The following MNAT1 variants were observed in gnomAD, a reference collection of about 807,000 sequenced individuals.
The protein encoded by MNAT1 is CDK-activating kinase assembly factor MAT1.
MNAT1 carries 43 observed loss-of-function variants against 42.0 expected under a neutral mutation model. The ratio of observed to expected loss-of-function variants is 1.02; its 90% confidence interval spans 0.80 to 1.32. The LOEUF (loss-of-function observed/expected upper bound fraction) is 1.32. Ranked by LOEUF, MNAT1 falls within the 40% of genes most tolerant of loss-of-function variation. The pLI, the probability that MNAT1 is intolerant of heterozygous loss-of-function variation, is 0.00. For synonymous variants in MNAT1, 118 were observed against 120.0 expected, an observed-to-expected ratio of 0.98 and a Z score of 0.11; for missense variants, 306 against 350.4, an observed-to-expected ratio of 0.87 and a Z score of 1.01.
intron 7 of MNAT1, among the ~76,000 whole-genome samples, chr14:60,965,577 A>G (rs2036667145): frequency 2.6e-5 from 4 of 152,226 alleles, no homozygotes. Context: ...GTATGACTCA[A>G]CTTTCCCAGA....
intron 1 of MNAT1, among the ~76,000 whole-genome samples, chr14:60,756,194 C>T (rs1264777916): frequency 6.6e-6 from 1 of 152,174 alleles, no homozygotes; most frequent in African/African-American, 2.4e-5. Flanking sequence ...GTGGGAACCT[C>T]TGTTCATAAC....
chr14:60,855,302 C>G (rs374430577), intron 6 of MNAT1, among the ~76,000 whole-genome samples: 87 of 151,804 alleles, frequency 5.7e-4, no homozygotes, highest in African/African-American at 1.9e-3. Flanking sequence ...GGCTTCAGCC[C>G]CCTTTCCAGG....
chr14:60,813,950 A>T (rs2032634898), intron 5 of MNAT1, among the ~76,000 whole-genome samples: 1 of 152,156 alleles, frequency 6.6e-6, no homozygotes, highest in African/African-American at 2.4e-5. Flanking sequence ...CTATATTTTT[A>T]AAAAGATTTT....
intron 1 of MNAT1, among the ~76,000 whole-genome samples, chr14:60,761,764 T>G (rs2030608488): frequency 6.6e-6 from 1 of 152,226 alleles, no homozygotes; most frequent in African/African-American, 2.4e-5. Flanking sequence ...AATGATCTTA[T>G]CTTTTGCCCT....
chr14:60,944,855 T>A (rs2036241538), intron 7 of MNAT1, among the ~76,000 whole-genome samples: 1 of 152,206 alleles, frequency 6.6e-6, no homozygotes, highest in Non-Finnish European at 1.5e-5. Context: ...TCTGAATTAT[T>A]CATAGATGTA....
intron 7 of MNAT1, among the ~76,000 whole-genome samples, chr14:60,886,624 G>T (rs926370450): frequency 6.7e-5 from 10 of 150,370 alleles, no homozygotes; most frequent in Admixed American, 6.0e-4. Context: ...TTGCATGTCT[G>T]TTTTGATTAC....
chr14:60,889,953 A>T (rs2034794302), intron 7 of MNAT1, among the ~76,000 whole-genome samples: 1 of 152,198 alleles, frequency 6.6e-6, no homozygotes, highest in African/African-American at 2.4e-5. Context: ...AGGAAACAAC[A>T]GGTGCTGGAG....
At chr14:60,921,732 G>A (rs2035665257) in intron 7 of MNAT1, among the ~76,000 whole-genome samples, 1 of 152,106 alleles carries the variant, frequency 6.6e-6, no homozygotes, top group Non-Finnish European at 1.5e-5. Context: ...CTGACGTGAA[G>A]GTAATGTTGC....
intron 1 of MNAT1, among the ~76,000 whole-genome samples, chr14:60,774,010 A>G (rs1365434151): frequency 1.3e-5 from 2 of 152,230 alleles, no homozygotes; most frequent in Non-Finnish European, 2.9e-5. Context: ...CCAAGAGACA[A>G]TCTGGCATAA....
At chr14:60,891,723 G>T (rs1166835422) in intron 7 of MNAT1, among the ~76,000 whole-genome samples, 1 of 152,094 alleles carries the variant, frequency 6.6e-6, no homozygotes, top group African/African-American at 2.4e-5. Flanking sequence ...AAAGTGCTGG[G>T]ATTACAGGTG....
At chr14:60,797,657 G>A (rs958721490) in intron 2 of MNAT1, among the ~76,000 whole-genome samples, 2 of 152,190 alleles carry the variant, frequency 1.3e-5, no homozygotes, top group Non-Finnish European at 2.9e-5. Context: ...GCTGGGCGCG[G>A]TGGCTCATGC....
chr14:60,813,181 G>C (rs889247727), intron 5 of MNAT1, among the ~76,000 whole-genome samples: 12 of 152,222 alleles, frequency 7.9e-5, no homozygotes, highest in Non-Finnish European at 1.5e-5. Flanking sequence ...CCCACGTAGA[G>C]TTTGCTTCTG....
At chr14:60,744,218 A>G (rs997705790) in intron 1 of MNAT1, among the ~76,000 whole-genome samples, 17 of 152,110 alleles carry the variant, frequency 1.1e-4, no homozygotes, top group African/African-American at 3.4e-4. Context: ...TGCAACCTCC[A>G]CCTCTTAGGT....
chr14:60,794,660 A>AAATAT lies in MNAT1; in HGVS notation c.90-1556_90-1555insATATA, dbSNP rs1555375163. ...TCAAAAAAAAAAAAAAAAAAAAAAA[A>AAATAT]ATATATATATATATATATAAAATAG... On this transcript the variant is annotated intron_variant, in intron 1 of 7. Transcript: ENST00000261245. Among the ~76,000 whole-genome samples the AAATAT allele has an allele frequency of 2.0e-3, 58 of 28,636 alleles. 2 individuals are homozygous for AAATAT. Among genetic ancestry groups the AAATAT allele is most frequent in the African/African-American group, 7.9e-3 (55 of 6,940 alleles). The allele number at this position is 28,636 out of a possible 152,430, so 18.8% of individuals were successfully genotyped here.
At chr14:60,928,868 A>G (rs891240337) in intron 7 of MNAT1, among the ~76,000 whole-genome samples, 3 of 151,772 alleles carry the variant, frequency 2.0e-5, no homozygotes, top group Non-Finnish European at 4.4e-5. Context: ...GTGGCTGGGC[A>G]CAGTGGCTCA....
At chr14:60,927,540 C>T (rs1414187269) in intron 7 of MNAT1, among the ~76,000 whole-genome samples, 1 of 152,140 alleles carries the variant, frequency 6.6e-6, no homozygotes, top group Admixed American at 6.5e-5. Flanking sequence ...CACAAGGGTG[C>T]CCTGTACTTG....
chr14:60,858,149 C>T (rs547742662), intron 6 of MNAT1, among the ~76,000 whole-genome samples: 1 of 152,316 alleles, frequency 6.6e-6, no homozygotes, highest in African/African-American at 2.4e-5. Context: ...GGAATCACCA[C>T]TCTGTCTTCC....
chr14:60,908,414 G>A (rs372216656), intron 7 of MNAT1, among the ~76,000 whole-genome samples: 82 of 152,078 alleles, frequency 5.4e-4, no homozygotes, highest in Admixed American at 4.6e-3. Flanking sequence ...TTGGTGTGCT[G>A]CACCCATTAA....
chr14:60,783,856 G>T (rs1225117612), intron 1 of MNAT1, among the ~76,000 whole-genome samples: 2 of 151,846 alleles, frequency 1.3e-5, no homozygotes, highest in African/African-American at 4.8e-5. Context: ...TTGAGATAGG[G>T]TCTTACTCTG....
Sources: gnomAD v4.1 joint callset for allele counts (sites outside exome capture counted in the v4.1 genomes callset) on GRCh38, gnomAD v4.1.1 for gene constraint, MANE v1.5 for transcripts, NCBI Gene and HGNC (gene_info 2026-07-23, HGNC 2026-07-21) for gene names.